The following ZBTB11 variants were observed in gnomAD, a reference collection of about 807,000 sequenced individuals.
The protein encoded by ZBTB11 is zinc finger and BTB domain containing 11, also known as zinc finger and BTB domain-containing protein 11.
A neutral mutation model predicts 113.1 loss-of-function variants in ZBTB11; 68 were observed. That is an observed-to-expected ratio of 0.60 (90% CI 0.49 to 0.74). The LOEUF is 0.74. Among genes scored for constraint, ZBTB11 ranks in the 30% least tolerant of loss-of-function variants. The probability of loss-of-function intolerance (pLI) is 0.00; values close to 1 mark genes in which losing one functional copy is unlikely to be tolerated. For missense variants in ZBTB11, 1,104 were observed against 1,279.4 expected (o/e 0.86, Z 2.09); for synonymous variants, 518 against 452.6 (o/e 1.14, Z -1.83).
At chr3:101,673,152 T>A (rs886064555) in intron 1 of ZBTB11, among the ~76,000 whole-genome samples, 1 of 152,158 alleles carries the variant, frequency 6.6e-6, no homozygotes, top group Non-Finnish European at 1.5e-5. Context: ...CCCAGCATGC[T>A]AGGGTAGGGG....
intron 2 of ZBTB11, 49 bp downstream of exon 2, chr3:101,671,929 C>T: frequency 7.0e-7 from 1 of 1,430,204 alleles, no homozygotes; most frequent in Non-Finnish European, 9.9e-7. Context: ...GCTGCAAATA[C>T]TAGTACACTA....
In ZBTB11 at chr3:101,672,011, T is replaced by C; in HGVS notation, c.513A>G (p.Lys171=). ...GTTCATGTTTGGATACTGGCTTCTTTTTTGCAGGCTTGGATGCTGTAGTTG... is the reference window on the plus strand; with the variant it reads ...GTTCATGTTTGGATACTGGCTTCTTCTTTGCAGGCTTGGATGCTGTAGTTG... ...SSPTTASKPA[K]KKPVSKHELV... The change falls in exon 2 of 11, where the codon AAA becomes AAG. Residue 171 remains lysine, a synonymous_variant. Transcript: ENST00000312938. 6.2e-7 allele frequency: 1 copy of C among 1,614,128 alleles called. No homozygotes were observed. The highest frequency in any genetic ancestry group is 8.5e-7 in the Non-Finnish European group (1 of 1,180,008).
Position 101,665,323 on chromosome 3 carries a change from C to A in ZBTB11, c.1264G>T (p.Glu422Ter). ...TCTCTGTTGTTTGAAGTTTCTAGTT[C>A]TGTCTGGTTGTTTTTTGTTATTAAA... ...VDLITKNNQTELETSNNRENN... is the reference protein window; with the variant it reads ...VDLITKNNQT Residue 422 changes from glutamate to a stop codon, truncating the protein, a stop_gained, in exon 4 of 11, where the codon GAA (glutamate) becomes TAA (stop). Transcript: ENST00000312938. LOFTEE classifies it high-confidence loss of function. 6.2e-7 allele frequency: 1 copy of A among 1,614,202 alleles called. No individual in the cohort carries two copies. The highest frequency in any genetic ancestry group is 8.5e-7 in the Non-Finnish European group (1 of 1,180,042).
intron 2 of ZBTB11, 82 bp downstream of exon 2, chr3:101,671,896 T>C (rs750844041): frequency 9.1e-7 from 1 of 1,098,476 alleles, no homozygotes; most frequent in South Asian, 1.3e-5. Context: ...GTCTTAGTGG[T>C]TTGAGAAAAA....
At chr3:101,676,058 T>C (rs1937162673) in intron 1 of ZBTB11, among the ~76,000 whole-genome samples, 1 of 152,168 alleles carries the variant, frequency 6.6e-6, no homozygotes, top group African/African-American at 2.4e-5. Flanking sequence ...TGCAAATAAT[T>C]GTATTATTCC....
At chr3:101,658,473 C>T (rs1185368652) in intron 6 of ZBTB11, among the ~76,000 whole-genome samples, 12 of 152,058 alleles carry the variant, frequency 7.9e-5, no homozygotes, top group Non-Finnish European at 1.0e-4. Context: ...CCGCCTGCCT[C>T]GGCCTCCCAA....
chr3:101,671,673 G>A (rs1937088111), intron 2 of ZBTB11: 3 of 576,072 alleles, frequency 5.2e-6, no homozygotes, highest in Non-Finnish European at 9.1e-6. Flanking sequence ...TTTACCTTGG[G>A]GCGTAAACTC....
At position 101,654,754 on chromosome 3, in the gene ZBTB11, G is replaced by A; in HGVS notation, c.2259C>T (p.His753=). Residue 753 remains histidine (H), a synonymous_variant, in exon 8 of 11, where the codon CAC becomes CAT. Transcript: ENST00000312938. ...CAGGCTTTGGTTGGTGTTTCTTGAA[G>A]TGCTTGCTGAGTCCAGAGCCCCTAT... ...SFHRGSGLSK[H]FKKHQPKPEV... The A allele has an allele frequency of 6.2e-7, 1 of 1,614,186 alleles. No homozygotes were observed. The highest frequency in any genetic ancestry group is 8.5e-7 in the Non-Finnish European group (1 of 1,180,030).
At position 101,665,164 on chromosome 3, in the gene ZBTB11, G is replaced by C. The variant is rs772643936; in HGVS notation, c.1423C>G (p.Gln475Glu). The part of the protein sequence containing the change: ...ICAEDIPKHR[Q>E]KVDQPLKDQE... ...TCTTTTAAAGGTTGGTCAACTTTCT[G>C]CCTATGTTTTGGAATGTCTTCGGCA... The change falls in exon 4 of 11, where the codon CAG becomes GAG. Residue 475 changes from glutamine to glutamate, a missense_variant. Gln to Glu is a conservative substitution (Grantham distance 29). Transcript: ENST00000312938. 11 of 1,613,930 alleles carry C rather than the reference G, an allele frequency of 6.8e-6. No individual in the cohort carries two copies. The African/African-American group carries it at 1.1e-4, about 16-fold the overall frequency.
intron 3 of ZBTB11, among the ~76,000 whole-genome samples, chr3:101,666,624 A>G (rs1427074809): frequency 6.6e-6 from 1 of 152,246 alleles, no homozygotes; most frequent in Non-Finnish European, 1.5e-5. Context: ...AATTCTTAAT[A>G]TTCACATGAA....
chr3:101,666,135 G>GT (rs1187952681), intron 3 of ZBTB11, among the ~76,000 whole-genome samples: 1 of 151,942 alleles, frequency 6.6e-6, no homozygotes, highest in Non-Finnish European at 1.5e-5. Flanking sequence ...AGGATGGAGG[G>GT]TTAAAAAAAA....
At chr3:101,674,709 A>C (rs1937134847) in intron 1 of ZBTB11, among the ~76,000 whole-genome samples, 1 of 134,080 alleles carries the variant, frequency 7.5e-6, no homozygotes, top group Non-Finnish European at 1.7e-5. Context: ...TAAATAAATA[A>C]ATAAAATAAA....
intron 5 of ZBTB11, among the ~76,000 whole-genome samples, chr3:101,660,802 C>G (rs1315062306): frequency 6.6e-6 from 1 of 152,198 alleles, no homozygotes; most frequent in African/African-American, 2.4e-5. Context: ...GGGCCACATA[C>G]AGTACACTGT....
At chr3:101,667,969 C>CA (rs1272155739) in intron 3 of ZBTB11, among the ~76,000 whole-genome samples, 6 of 152,120 alleles carry the variant, frequency 3.9e-5, no homozygotes, top group Admixed American at 3.9e-4. Context: ...ACATGTTCAT[C>CA]AACAGATGAA....
chr3:101,676,778 G>A lies in ZBTB11; in HGVS notation c.137C>T (p.Thr46Ile). The change falls in exon 1 of 11, where the codon ACT becomes ATT. Residue 46 changes from threonine (T) to isoleucine (I), a missense_variant. Around this residue, in one of 5 missense-constraint regions of ZBTB11, gnomAD observed 245 missense variants for 272.5 expected, o/e 0.90. Coordinates refer to ENST00000312938, the MANE Select transcript of ZBTB11 (RefSeq NM_014415.4). ...AAACYVVRGG[T>I]LYYQRRQRHR... ...CCGCTGCCGCCGCTGGTAATACAGA[G>A]TCCCGCCGCGCACCACGTAGCAGGC... 6.2e-7 allele frequency: 1 copy of A among 1,610,916 alleles called. No homozygotes were observed. Among genetic ancestry groups the A allele is most frequent in the South Asian group, 1.1e-5 (1 of 90,748 alleles).
chr3:101,654,905 A>G, intron 7 of ZBTB11, 84 bp from the exon 8 acceptor site: 1 of 1,024,524 alleles, frequency 9.8e-7, no homozygotes, highest in Non-Finnish European at 1.5e-6. Context: ...GTGGCATCTC[A>G]CTCTGTTGCC....
rs542048779 is a variant in ZBTB11, at chr3:101,662,699, A to G, written c.1800+1839T>C. Among the ~76,000 whole-genome samples the G allele has an allele frequency of 1.6e-3, 242 of 152,232 alleles. 1 individual carries two copies. The highest frequency in any genetic ancestry group is 2.9e-3 in the Non-Finnish European group (196 of 68,018). ...TTTTCATTTATCTCTTATATAAATC[A>G]TATGTTCTGAAGTTTTTTTCTTTTT... On this transcript the variant is annotated intron_variant, in intron 5 of 10. Coordinates refer to ENST00000312938, the MANE Select transcript of ZBTB11 (RefSeq NM_014415.4).
At chr3:101,671,820 A>C in intron 2 of ZBTB11, 158 bp downstream of exon 2, 1 of 631,486 alleles carries the variant, frequency 1.6e-6, no homozygotes, top group South Asian at 1.9e-5. Context: ...AACATTTATG[A>C]TAAATGAAGA....
At chr3:101,674,182 G>C (rs1576654077) in intron 1 of ZBTB11, among the ~76,000 whole-genome samples, 1 of 151,856 alleles carries the variant, frequency 6.6e-6, no homozygotes, top group South Asian at 2.1e-4. Flanking sequence ...TAGGTGTGGA[G>C]GCACGCGCCT....
Sources: gnomAD v4.1 joint callset for allele counts (sites outside exome capture counted in the v4.1 genomes callset) on GRCh38, gnomAD v4.1.1 for gene constraint, gnomAD v4.1.1 regional missense constraint, MANE v1.5 for transcripts, NCBI Gene and HGNC (gene_info 2026-07-23, HGNC 2026-07-21) for gene names.